The following ZNF280C variants were observed in gnomAD, a reference collection of about 807,000 sequenced individuals.
ZNF280C encodes zinc finger protein 280C.
Under a neutral mutation model 53.6 loss-of-function variants are expected in ZNF280C, and 14 were observed. That is an observed-to-expected ratio of 0.26 (90% confidence interval 0.17 to 0.41). The LOEUF (loss-of-function observed/expected upper bound fraction) is 0.41. Ranked by LOEUF, ZNF280C falls within the 10% of genes least tolerant of loss-of-function variation. The probability of loss-of-function intolerance (pLI) is 1.00; values close to 1 mark genes in which losing one functional copy is unlikely to be tolerated. For synonymous variants in ZNF280C, 203 were observed against 181.1 expected (o/e 1.12, Z -0.97); for missense variants, 416 against 547.1 (o/e 0.76, Z 2.39).
intron 1 of ZNF280C, among the ~76,000 whole-genome samples, chrX:130,262,131 G>A (rs1490977751): frequency 8.9e-6 from 1 of 112,189 alleles, no homozygotes; most frequent in East Asian, 2.8e-4. Flanking sequence ...CCACCAAAGA[G>A]TCTCAATTGG....
At chrX:130,250,475 A>G (rs987221183) in intron 2 of ZNF280C, among the ~76,000 whole-genome samples, 1 of 112,309 alleles carries the variant, frequency 8.9e-6, no homozygotes, top group Non-Finnish European at 1.9e-5. Flanking sequence ...GAAAAATACA[A>G]ATAAACATCA....
At chrX:130,226,705 A>G in intron 12 of ZNF280C, 54 bp downstream of exon 12, 1 of 1,130,829 alleles carries the variant, frequency 8.8e-7, no homozygotes, top group Non-Finnish European at 1.2e-6. Context: ...ATACATATAG[A>G]TCTATATCTT....
chrX:130,233,514 G>A (rs2032299227), intron 8 of ZNF280C, among the ~76,000 whole-genome samples: 1 of 107,912 alleles, frequency 9.3e-6, no homozygotes, highest in Admixed American at 1.0e-4. Context: ...TACTCAGAAA[G>A]CTGAGGCAGG....
intron 2 of ZNF280C, among the ~76,000 whole-genome samples, chrX:130,249,489 A>G (rs1361826731): frequency 3.6e-5 from 4 of 112,094 alleles, no homozygotes; most frequent in African/African-American, 1.3e-4. Context: ...GAGAAGCCAG[A>G]GAAAAAAGCA....
At chrX:130,215,363 G>T in intron 14 of ZNF280C, 30 bp from the exon 15 acceptor site, 2 of 1,131,173 alleles carry the variant, frequency 1.8e-6, no homozygotes, top group Non-Finnish European at 2.3e-6. Context: ...AAGATAAAAA[G>T]AGATTATAAA....
chrX:130,264,039 AAAG>A (rs1370875988), intron 1 of ZNF280C, among the ~76,000 whole-genome samples: 7 of 103,421 alleles, frequency 6.8e-5, no homozygotes, highest in African/African-American at 2.6e-4. Flanking sequence ...AAAAAAAAAA[AAAG>A]AAAAGAAAGA....
At chrX:130,238,074 G>A (rs1239746455) in intron 6 of ZNF280C, among the ~76,000 whole-genome samples, 2 of 110,979 alleles carry the variant, frequency 1.8e-5, no homozygotes, top group Admixed American at 9.6e-5. Context: ...TCTTATCTGT[G>A]CTAATAAAAA....
chrX:130,214,283 A>G (rs749372810), intron 15 of ZNF280C, among the ~76,000 whole-genome samples: 4 of 111,918 alleles, frequency 3.6e-5, no homozygotes, highest in Admixed American at 2.8e-4. Flanking sequence ...TGTAGAGTAG[A>G]CCATAGGTGC....
Position 130,230,645 on chromosome X carries a change from G to A in ZNF280C, c.854C>T (p.Ser285Leu), listed in dbSNP as rs746648163. Residue 285 changes from serine to leucine, a missense_variant, in exon 9 of 19, where the codon TCA becomes TTA. Transcript: ENST00000370978. ...ERPCDEDKTDSETGKLIMLVN... is the reference protein window; with the variant it reads ...ERPCDEDKTDLETGKLIMLVN... ...TAACATGATCAACTTTCCTGTCTCTGAATCAGTCTTGTCTTCATCACATGG... is the reference window on the plus strand; with the variant it reads ...TAACATGATCAACTTTCCTGTCTCTAAATCAGTCTTGTCTTCATCACATGG... 8.3e-7 allele frequency: 1 copy of A among 1,209,014 alleles called. No individual in the cohort carries two copies.
chrX:130,244,616 A>C (rs1023100260), intron 3 of ZNF280C, among the ~76,000 whole-genome samples: 2 of 108,498 alleles, frequency 1.8e-5, no homozygotes, highest in Non-Finnish European at 3.8e-5. Flanking sequence ...TCTCTACTAA[A>C]AATACAAAAA....
intron 12 of ZNF280C, among the ~76,000 whole-genome samples, chrX:130,222,276 C>CCCCACACACACACA (rs1367658791): frequency 1.4e-5 from 1 of 69,937 alleles, no homozygotes; most frequent in African/African-American, 5.9e-5. Context: ...CATTCAGACA[C>CCCCACACACACACA]CACACACACA....
intron 13 of ZNF280C, among the ~76,000 whole-genome samples, chrX:130,218,623 A>G (rs2050022): frequency 8.9e-6 from 1 of 112,087 alleles, no homozygotes; most frequent in Admixed American, 9.4e-5. Context: ...TTAGCTTGCA[A>G]AAAGAAAATA....
At chrX:130,243,901 GA>G in intron 3 of ZNF280C, 36 bp from the exon 4 acceptor site, 1 of 908,315 alleles carries the variant, frequency 1.1e-6, no homozygotes, top group Non-Finnish European at 1.5e-6. Flanking sequence ...TTTGTTATGT[GA>G]ATGAAATATA....
chrX:130,250,899 G>A (rs209214), intron 2 of ZNF280C, among the ~76,000 whole-genome samples: 53,935 of 108,463 alleles, frequency 0.5, 10,448 homozygotes, highest in African/African-American at 0.67. Context: ...GTTCGAGACC[G>A]GCCTGGATAG....
At chrX:130,215,151 C>A in intron 15 of ZNF280C, 42 bp downstream of exon 15, 1 of 1,190,126 alleles carries the variant, frequency 8.4e-7, no homozygotes, top group Non-Finnish European at 1.1e-6. Flanking sequence ...AACAAATGAC[C>A]CAAATGGAAA....
intron 1 of ZNF280C, among the ~76,000 whole-genome samples, chrX:130,265,469 T>C (rs2032678314): frequency 8.9e-6 from 1 of 112,607 alleles, no homozygotes; most frequent in Non-Finnish European, 1.9e-5. Flanking sequence ...ATAGTAAATA[T>C]TTTATGTAAG....
intron 13 of ZNF280C, among the ~76,000 whole-genome samples, chrX:130,218,032 T>C (rs1761543630): frequency 9.0e-6 from 1 of 110,882 alleles, no homozygotes; most frequent in Admixed American, 9.6e-5. Flanking sequence ...CATGGTGACA[T>C]CCGCCTGTGG....
chrX:130,242,766 T>G (rs2032407419), intron 5 of ZNF280C, among the ~76,000 whole-genome samples: 1 of 112,078 alleles, frequency 8.9e-6, no homozygotes, highest in African/African-American at 3.2e-5. Flanking sequence ...GGTCTTGAAC[T>G]CCTGACCTCA....
chrX:130,227,540 T>C, intron 11 of ZNF280C, 142 bp downstream of exon 11: 1 of 487,571 alleles, frequency 2.1e-6, no homozygotes, highest in Non-Finnish European at 3.6e-6. Flanking sequence ...CCAAGGGGGT[T>C]TCCACTAATG....
Sources: gnomAD v4.1 joint callset for allele counts (sites outside exome capture counted in the v4.1 genomes callset) on GRCh38, gnomAD v4.1.1 for gene constraint, MANE v1.5 for transcripts, NCBI Gene and HGNC (gene_info 2026-07-23, HGNC 2026-07-21) for gene names.